Variants in GRIN2B observed in about 807,000 individuals in gnomAD.
GRIN2B encodes the protein glutamate receptor ionotropic, NMDA 2B.
In GRIN2B, 5 loss-of-function variants were observed where a neutral mutation model predicts 114.5. That is an observed-to-expected ratio of 0.04 (90% confidence interval 0.02 to 0.09). The LOEUF (loss-of-function observed/expected upper bound fraction) is 0.09, where lower values mean the gene tolerates loss of function less well. GRIN2B is among the 10% of genes least tolerant of loss of function. The pLI, the probability that GRIN2B is intolerant of heterozygous loss-of-function variation, is 1.00. For synonymous variants in GRIN2B, 787 were observed against 745.1 expected (o/e 1.06, Z -0.92); for missense variants, 1,108 against 1,943.5 (o/e 0.57, Z 8.08).
chr12:13,674,817 A>G (rs1950056309), intron 5 of GRIN2B, among the ~76,000 whole-genome samples: 1 of 152,140 alleles, frequency 6.6e-6, no homozygotes, highest in South Asian at 2.1e-4. Flanking sequence ...AATAAAAGTA[A>G]AGATGTTTCT....
intron 10 of GRIN2B, among the ~76,000 whole-genome samples, chr12:13,585,954 G>C (rs1377890002): frequency 6.6e-6 from 1 of 152,146 alleles, no homozygotes; most frequent in Non-Finnish European, 1.5e-5. Context: ...AGGACTAATG[G>C]GATGCCAGTG....
At chr12:13,966,982 C>T (rs1867799023) in intron 2 of GRIN2B, among the ~76,000 whole-genome samples, 1 of 152,146 alleles carries the variant, frequency 6.6e-6, no homozygotes, top group Non-Finnish European at 1.5e-5. Context: ...CCTCTGCCAC[C>T]ATGTTACACT....
chr12:13,609,197 T>C (rs1949327358), intron 9 of GRIN2B, among the ~76,000 whole-genome samples: 1 of 152,190 alleles, frequency 6.6e-6, no homozygotes, highest in African/African-American at 2.4e-5. Context: ...ATGGTCACAC[T>C]TGGGTCATGT....
intron 4 of GRIN2B, among the ~76,000 whole-genome samples, chr12:13,739,755 C>A (rs1164975692): frequency 6.6e-6 from 1 of 152,158 alleles, no homozygotes; most frequent in Non-Finnish European, 1.5e-5. Flanking sequence ...TGGAACTGGG[C>A]TGGGGAAGGA....
At chr12:13,911,099 C>T (rs1866620767) in intron 2 of GRIN2B, among the ~76,000 whole-genome samples, 1 of 152,048 alleles carries the variant, frequency 6.6e-6, no homozygotes, top group African/African-American at 2.4e-5. Context: ...GCACCTACTA[C>T]CATAGTGAGT....
chr12:13,878,241 G>T (rs923269215), intron 2 of GRIN2B, among the ~76,000 whole-genome samples: 1 of 152,034 alleles, frequency 6.6e-6, no homozygotes, highest in Non-Finnish European at 1.5e-5. Context: ...CAGGGCTATC[G>T]ACTCCCCCGA....
intron 10 of GRIN2B, among the ~76,000 whole-genome samples, chr12:13,584,309 T>G (rs747016465): frequency 1.3e-5 from 2 of 152,232 alleles, no homozygotes; most frequent in Non-Finnish European, 2.9e-5. Flanking sequence ...TTTTCTGCCC[T>G]TTCCTCCTTA....
At chr12:13,811,440 G>T (rs1435117292) in intron 3 of GRIN2B, among the ~76,000 whole-genome samples, 1 of 152,194 alleles carries the variant, frequency 6.6e-6, no homozygotes, top group South Asian at 2.1e-4. Flanking sequence ...AATTAGCTGG[G>T]CACAGTGGCA....
chr12:13,761,643 C>T (rs1863682675), intron 3 of GRIN2B, among the ~76,000 whole-genome samples: 1 of 152,118 alleles, frequency 6.6e-6, no homozygotes, highest in African/African-American at 2.4e-5. Flanking sequence ...AGTAAAATTC[C>T]TTTCCTAAAA....
chr12:13,687,527 G>T (rs1950182827), intron 4 of GRIN2B, among the ~76,000 whole-genome samples: 1 of 152,088 alleles, frequency 6.6e-6, no homozygotes, highest in Non-Finnish European at 1.5e-5. Context: ...CCTATCATAG[G>T]TTCCACCAAT....
intron 12 of GRIN2B, among the ~76,000 whole-genome samples, chr12:13,569,127 G>T (rs1253120248): frequency 6.6e-6 from 1 of 152,086 alleles, no homozygotes; most frequent in Non-Finnish European, 1.5e-5. Flanking sequence ...ATCCCTGAAG[G>T]TTTGATTATA....
At chr12:13,657,864 T>C (rs2136523589) in intron 5 of GRIN2B, among the ~76,000 whole-genome samples, 1 of 152,338 alleles carries the variant, frequency 6.6e-6, no homozygotes, top group South Asian at 2.1e-4. Context: ...AAACAGGATG[T>C]ATAATACTAT....
chr12:13,701,266 G>C (rs148112403), intron 4 of GRIN2B, among the ~76,000 whole-genome samples: 4 of 151,974 alleles, frequency 2.6e-5, no homozygotes, highest in African/African-American at 9.7e-5. Flanking sequence ...ATTTGGGTGG[G>C]GACACAAAGC....
intron 3 of GRIN2B, among the ~76,000 whole-genome samples, chr12:13,852,837 T>C (rs1865594994): frequency 6.6e-6 from 1 of 151,940 alleles, no homozygotes; most frequent in East Asian, 1.9e-4. Context: ...AAAGACACTA[T>C]ATCAGGTAAC....
intron 4 of GRIN2B, among the ~76,000 whole-genome samples, chr12:13,743,206 A>G (rs1863315609): frequency 6.6e-6 from 1 of 152,250 alleles, no homozygotes; most frequent in African/African-American, 2.4e-5. Context: ...GACAAGAAAC[A>G]GCAGTCATTT....
chr12:13,607,119 C>A (rs1277160900), intron 10 of GRIN2B, among the ~76,000 whole-genome samples: 1 of 134,562 alleles, frequency 7.4e-6, no homozygotes, highest in African/African-American at 2.8e-5. Context: ...CACCCAACCA[C>A]ATCTAACAGG....
chr12:13,665,496 C>T (rs1949965496), intron 5 of GRIN2B, among the ~76,000 whole-genome samples: 1 of 152,054 alleles, frequency 6.6e-6, no homozygotes, highest in Non-Finnish European at 1.5e-5. Flanking sequence ...ATTTGGATCC[C>T]ATTAGTCTAG....
chr12:13,918,408 A>T (rs985682333), intron 2 of GRIN2B, among the ~76,000 whole-genome samples: 3 of 152,210 alleles, frequency 2.0e-5, no homozygotes, highest in Admixed American at 6.5e-5. Flanking sequence ...CTGTCTCAAA[A>T]AAAGAAAAGG....
At chr12:13,922,119 A>T (rs182713055) in intron 2 of GRIN2B, among the ~76,000 whole-genome samples, 64 of 152,316 alleles carry the variant, frequency 4.2e-4, no homozygotes, top group African/African-American at 1.3e-3. Flanking sequence ...GCTCTCCTAT[A>T]TAATATTTAT....
Sources: gnomAD v4.1 joint callset for allele counts (sites outside exome capture counted in the v4.1 genomes callset) on GRCh38, gnomAD v4.1.1 for gene constraint, MANE v1.5 for transcripts, NCBI Gene and HGNC (gene_info 2026-07-23, HGNC 2026-07-21) for gene names.